The following KMO variants were observed in gnomAD, a reference collection of about 807,000 sequenced individuals.
The protein encoded by KMO is kynurenine 3-hydroxylase.
KMO carries 24 observed loss-of-function variants against 57.8 expected under a neutral mutation model. That is an observed-to-expected ratio of 0.42 (90% CI 0.30 to 0.58). The LOEUF is 0.58. Among genes scored for constraint, KMO ranks in the 20% least tolerant of loss-of-function variants. The pLI is 0.22. For synonymous variants in KMO, 210 were observed against 193.6 expected (o/e 1.08, Z -0.70); for missense variants, 483 against 588.2 (o/e 0.82, Z 1.85).
chr1:241,558,233 T>A (rs999156531), intron 5 of KMO, among the ~76,000 whole-genome samples: 3 of 152,226 alleles, frequency 2.0e-5, no homozygotes, highest in Non-Finnish European at 4.4e-5. Context: ...ACAATCTTGG[T>A]GTACACACCA....
intron 4 of KMO, among the ~76,000 whole-genome samples, chr1:241,552,288 C>T (rs1661436963): frequency 6.6e-6 from 1 of 152,114 alleles, no homozygotes; most frequent in Non-Finnish European, 1.5e-5. Context: ...GAGGAAACGG[C>T]CCCTCCCGCA....
At chr1:241,575,442 C>A (rs930042359) in intron 10 of KMO, among the ~76,000 whole-genome samples, 1 of 151,914 alleles carries the variant, frequency 6.6e-6, no homozygotes, top group Non-Finnish European at 1.5e-5. Flanking sequence ...TTTGCTGTAA[C>A]CCAGAGGTTT....
At chr1:241,572,964 A>T (rs986160836) in intron 10 of KMO, among the ~76,000 whole-genome samples, 1 of 152,094 alleles carries the variant, frequency 6.6e-6, no homozygotes, top group African/African-American at 2.4e-5. Flanking sequence ...CAAAAATATT[A>T]TTTCATACTT....
chr1:241,558,734 T>C lies in KMO; in HGVS notation c.362-1931T>C, dbSNP rs150919253. Reference sequence around the variant, plus strand: ...GCACAGTCCAACATGTGGCCACAAATACCAGGCACGTGTATACTTTTCCAA... The same window carrying C: ...GCACAGTCCAACATGTGGCCACAAACACCAGGCACGTGTATACTTTTCCAA... On this transcript the variant is annotated intron_variant, in intron 5 of 14. Coordinates refer to ENST00000366559, the MANE Select transcript of KMO (RefSeq NM_003679.5). 3.5e-3 allele frequency among the ~76,000 whole-genome samples: 525 copies of C among 150,022 alleles called. 3 individuals are homozygous for C. The highest frequency in any genetic ancestry group is 0.012 in the African/African-American group (491 of 40,686).
intron 7 of KMO, among the ~76,000 whole-genome samples, chr1:241,564,085 T>TA (rs1007609324): frequency 1.3e-5 from 2 of 152,084 alleles, no homozygotes; most frequent in Non-Finnish European, 2.9e-5. Context: ...AGTCTGAGGC[T>TA]AAAAAAACAA....
At chr1:241,569,313 A>G (rs935449132) in intron 10 of KMO, among the ~76,000 whole-genome samples, 1 of 151,070 alleles carries the variant, frequency 6.6e-6, no homozygotes, top group East Asian at 1.9e-4. Context: ...TCCACTTTAC[A>G]CTTCCACCCT....
chr1:241,552,454 G>C (rs192776023), intron 4 of KMO, among the ~76,000 whole-genome samples: 112 of 152,158 alleles, frequency 7.4e-4, no homozygotes, highest in Non-Finnish European at 1.3e-3. Context: ...GCTTTACCTG[G>C]TCAGTTCCAC....
At chr1:241,552,274 C>T (rs868138388) in intron 4 of KMO, among the ~76,000 whole-genome samples, 4 of 151,982 alleles carry the variant, frequency 2.6e-5, no homozygotes, top group East Asian at 3.9e-4. Context: ...CAATGCATTA[C>T]AAGGAGGAAA....
At chr1:241,568,775 T>C (rs1358278792) in intron 10 of KMO, 128 bp downstream of exon 10, 3 of 874,124 alleles carry the variant, frequency 3.4e-6, no homozygotes, top group East Asian at 2.7e-5. Context: ...AATTCAGCAA[T>C]CATACCAGCT....
At chr1:241,579,881 C>T (rs1012842547) in intron 10 of KMO, among the ~76,000 whole-genome samples, 2 of 152,190 alleles carry the variant, frequency 1.3e-5, no homozygotes, top group Non-Finnish European at 2.9e-5. Context: ...TTGCAGACTT[C>T]CATGAGGTTC....
Position 241,594,368 on chromosome 1 carries a change from A to G in KMO, c.*2215A>G. On this transcript the variant is annotated 3_prime_UTR_variant, in exon 15 of 15. Coordinates refer to ENST00000366559, the MANE Select transcript of KMO (RefSeq NM_003679.5). ...ACGGGTATTCCAGACACTTCTTATG[A>G]TGAAAGTCCAAAAGTGGCATCCAAT... is the stretch of plus-strand genomic sequence containing the variant. The G allele has an allele frequency of 6.4e-6, 10 of 1,553,550 alleles. No homozygotes were observed. Among genetic ancestry groups the G allele is most frequent in the Middle Eastern group, 1.7e-4 (1 of 5,716 alleles).
At chr1:241,552,694 GACCTCGTTGTGGATGGC>G (rs1234280930) in intron 4 of KMO, among the ~76,000 whole-genome samples, 1 of 152,200 alleles carries the variant, frequency 6.6e-6, no homozygotes, top group East Asian at 1.9e-4. Flanking sequence ...GTCATGAAGA[GACCTCGTTGTGGATGGC>G]ACGGGCGATA....
chr1:241,566,739 C>G (rs911596740), intron 9 of KMO, 127 bp downstream of exon 9: 9 of 974,674 alleles, frequency 9.2e-6, no homozygotes, highest in African/African-American at 1.7e-5. Context: ...CAGAAACCTA[C>G]ATTAGAGCAA....
intron 1 of KMO, among the ~76,000 whole-genome samples, chr1:241,547,476 A>G (rs1290714881): frequency 6.6e-6 from 1 of 152,074 alleles, no homozygotes; most frequent in African/African-American, 2.4e-5. Flanking sequence ...AAAATGGGCA[A>G]AAGATCTAAA....
Position 241,566,956 on chromosome 1 carries a change from T to C in KMO, c.809+344T>C, listed in dbSNP as rs545824136. Among the ~76,000 whole-genome samples, 11 of 152,304 alleles carry C rather than the reference T, an allele frequency of 7.2e-5. No individual in the cohort carries two copies. The East Asian group carries it at 2.1e-3, about 29-fold the overall frequency. ...ATACACAAATCTTTGGCACAGCAGA[T>C]ACATCCGGCAGCCTCAGATCTTGGA... On this transcript the variant is annotated intron_variant, in intron 9 of 14. Coordinates refer to ENST00000366559, the MANE Select transcript of KMO (RefSeq NM_003679.5).
chr1:241,549,266 A>T (rs71535337), intron 2 of KMO, among the ~76,000 whole-genome samples: 29 of 117,600 alleles, frequency 2.5e-4, no homozygotes, highest in Middle Eastern at 4.7e-3. Context: ...AGAAAGAAAG[A>T]AAGGAAGGAA....
chr1:241,564,975 T>G lies in KMO; in HGVS notation c.616-12T>G, dbSNP rs771705605. The G allele has an allele frequency of 1.8e-5, 29 of 1,573,314 alleles. 1 individual carries two copies. The South Asian group carries it at 3.2e-4, about 17-fold the overall frequency. On this transcript the variant is annotated splice_polypyrimidine_tract_variant and intron_variant, in intron 7 of 14. Transcript: ENST00000366559. ...GAATGCACTAATCAATCATATATTCTTTTTTCTGCAGTATGCCATGGAACC... is the reference window on the plus strand; with the variant it reads ...GAATGCACTAATCAATCATATATTCGTTTTTCTGCAGTATGCCATGGAACC...
At chr1:241,569,644 A>G (rs1017236003) in intron 10 of KMO, among the ~76,000 whole-genome samples, 1 of 152,064 alleles carries the variant, frequency 6.6e-6, no homozygotes, top group Non-Finnish European at 1.5e-5. Context: ...TCTTCAATAT[A>G]CTGATGTTCT....
intron 1 of KMO, among the ~76,000 whole-genome samples, chr1:241,535,768 C>T (rs1024776489): frequency 2.6e-5 from 4 of 152,202 alleles, no homozygotes; most frequent in Admixed American, 2.6e-4. Flanking sequence ...ACAACTCCCC[C>T]ATCCCTTCTC....
Sources: allele counts gnomAD v4.1 joint callset (sites outside exome capture counted in the v4.1 genomes callset), GRCh38; gene constraint gnomAD v4.1.1; transcripts MANE v1.5; gene names NCBI Gene and HGNC (gene_info 2026-07-23, HGNC 2026-07-21).